Variants in CNIH3 observed in about 807,000 individuals in gnomAD.
CNIH3 encodes protein cornichon homolog 3.
CNIH3 carries 14 observed loss-of-function variants against 24.1 expected under a neutral mutation model. That is an observed-to-expected ratio of 0.58 (90% CI 0.38 to 0.91). The LOEUF (loss-of-function observed/expected upper bound fraction) is 0.91. Ranked by LOEUF, CNIH3 falls within the 40% of genes least tolerant of loss-of-function variation. The pLI is 0.00. For missense variants in CNIH3, 178 were observed against 196.8 expected (o/e 0.90, Z 0.57); for synonymous variants, 68 against 73.8 (o/e 0.92, Z 0.40).
chr1:224,515,119 A>G (rs1479510332), upstream of CNIH3, among the ~76,000 whole-genome samples: 1 of 152,186 alleles, frequency 6.6e-6, no homozygotes, highest in Non-Finnish European at 1.5e-5. Context: ...TAATGTTTTT[A>G]GTGTTTTTCC....
At chr1:224,443,510 G>T (rs1450713917) in intron 1 of CNIH3, among the ~76,000 whole-genome samples, 1 of 152,106 alleles carries the variant, frequency 6.6e-6, no homozygotes, top group Admixed American at 6.6e-5. Context: ...TTAATATCGA[G>T]GGACAAGACA....
At chr1:224,555,729 C>T (rs1319434463) in intron 3 of CNIH3, among the ~76,000 whole-genome samples, 1 of 152,188 alleles carries the variant, frequency 6.6e-6, no homozygotes, top group African/African-American at 2.4e-5. Context: ...TAAAAGTTAT[C>T]GATTATGAAT....
upstream of CNIH3, among the ~76,000 whole-genome samples, chr1:224,513,359 TGGGAGG>T (rs1678243363): frequency 4.5e-4 from 1 of 2,246 alleles, no homozygotes; most frequent in African/African-American, 1.3e-3. Flanking sequence ...GGGGTGGGGG[TGGGAGG>T]GGGGGGGTCT....
chr1:224,515,129 C>G (rs1192034991), upstream of CNIH3, among the ~76,000 whole-genome samples: 1 of 152,158 alleles, frequency 6.6e-6, no homozygotes, highest in Admixed American at 6.5e-5. Context: ...AGTGTTTTTC[C>G]TACTGCTTCT....
intron 4 of CNIH3, among the ~76,000 whole-genome samples, chr1:224,571,775 A>G (rs1341605341): frequency 6.6e-6 from 1 of 152,134 alleles, no homozygotes; most frequent in African/African-American, 2.4e-5. Flanking sequence ...GAAGAGGGGC[A>G]CTGACTGGGA....
chr1:224,576,572 C>A (rs1401641882), intron 4 of CNIH3, among the ~76,000 whole-genome samples: 2 of 152,190 alleles, frequency 1.3e-5, no homozygotes, highest in East Asian at 3.8e-4. Flanking sequence ...TTCACTTTCA[C>A]ATGTGGTTAG....
chr1:224,721,938 C>A (rs1466310492), intron 3 of CNIH3, among the ~76,000 whole-genome samples: 1 of 152,148 alleles, frequency 6.6e-6, no homozygotes, highest in Non-Finnish European at 1.5e-5. Context: ...GGCTGCAGGA[C>A]CCCAGGAAGC....
chr1:224,570,243 A>G (rs1168753418), intron 4 of CNIH3, among the ~76,000 whole-genome samples: 3 of 152,218 alleles, frequency 2.0e-5, no homozygotes, highest in African/African-American at 7.2e-5. Flanking sequence ...GCGCTGCTGC[A>G]GTTTGGAGTA....
intron 1 of CNIH3, chr1:224,437,025 C>A (rs1157543932): frequency 6.6e-6 from 1 of 152,208 alleles, no homozygotes; most frequent in African/African-American, 2.4e-5. Flanking sequence ...CCTTTCCTGA[C>A]TTCCACTCTC....
intron 1 of CNIH3, among the ~76,000 whole-genome samples, chr1:224,475,086 G>A (rs1201636040): frequency 4.1e-5 from 6 of 147,060 alleles, no homozygotes; most frequent in African/African-American, 1.3e-4. Context: ...GAGGCTGGGC[G>A]CGGTGGCTCA....
intron 1 of CNIH3, among the ~76,000 whole-genome samples, chr1:224,679,347 AAAC>A (rs1161973914): frequency 1.3e-5 from 2 of 152,268 alleles, no homozygotes; most frequent in African/African-American, 4.8e-5. Flanking sequence ...CTCAAAACAA[AAAC>A]AAAAACAAAA....
intron 1 of CNIH3, among the ~76,000 whole-genome samples, chr1:224,645,811 A>AT (rs1269260545): frequency 3.9e-5 from 6 of 152,262 alleles, no homozygotes; most frequent in Admixed American, 2.0e-4. Flanking sequence ...GTTGCAGTAC[A>AT]TTTTCTTTCT....
At chr1:224,628,126 A>G (rs759329227) in intron 1 of CNIH3, among the ~76,000 whole-genome samples, 15 of 152,002 alleles carry the variant, frequency 9.9e-5, no homozygotes, top group Non-Finnish European at 1.6e-4. Flanking sequence ...CTGTCAAGTT[A>G]TTCATTTTCT....
chr1:224,634,397 C>A (rs1454425378), intron 1 of CNIH3, among the ~76,000 whole-genome samples: 1 of 152,006 alleles, frequency 6.6e-6, no homozygotes, highest in Non-Finnish European at 1.5e-5. Flanking sequence ...AGTGAAACCC[C>A]GTCTCTACTA....
chr1:224,717,079 G>A (rs1688469088), intron 3 of CNIH3, among the ~76,000 whole-genome samples: 2 of 152,216 alleles, frequency 1.3e-5, no homozygotes, highest in Admixed American at 6.5e-5. Context: ...CACGACAGTG[G>A]GGAGCAGTAG....
intron 3 of CNIH3, among the ~76,000 whole-genome samples, chr1:224,606,856 C>T (rs1214191424): frequency 6.6e-6 from 1 of 152,120 alleles, no homozygotes; most frequent in African/African-American, 2.4e-5. Flanking sequence ...GGAGGTGCTG[C>T]CAGGTGCTTT....
intron 2 of CNIH3, among the ~76,000 whole-genome samples, chr1:224,523,310 C>G (rs565267718): frequency 5.1e-4 from 78 of 152,130 alleles, no homozygotes; most frequent in African/African-American, 1.9e-3. Flanking sequence ...TACCCATCAA[C>G]AGCAGAGTGG....
chr1:224,640,377 C>G (rs1001502115), intron 1 of CNIH3, among the ~76,000 whole-genome samples: 6 of 152,216 alleles, frequency 3.9e-5, no homozygotes, highest in African/African-American at 1.4e-4. Context: ...CCTCTTCATT[C>G]CTCACTGCTC....
At chr1:224,728,479 C>T in intron 3 of CNIH3, among the ~76,000 whole-genome samples, 1 of 152,204 alleles carries the variant, frequency 6.6e-6, no homozygotes, top group East Asian at 1.9e-4. Flanking sequence ...ATGATGGCTC[C>T]TTTGCTCTGA....
Sources: gnomAD v4.1 joint callset for allele counts (sites outside exome capture counted in the v4.1 genomes callset) on GRCh38, gnomAD v4.1.1 for gene constraint, MANE v1.5 for transcripts, NCBI Gene and HGNC (gene_info 2026-07-23, HGNC 2026-07-21) for gene names.